DNAH6: variants seen among roughly 807,000 people sequenced by gnomAD.
DNAH6 encodes the protein axonemal beta dynein heavy chain 6.
In DNAH6, 340 loss-of-function variants were observed where a neutral mutation model predicts 491.4. That is an observed-to-expected ratio of 0.69 (90% CI 0.63 to 0.76). The LOEUF is 0.76. Ranked by LOEUF, DNAH6 falls within the 30% of genes least tolerant of loss-of-function variation. DNAH6 has a pLI of 0.00. For missense variants in DNAH6, 4,443 were observed against 4,972.2 expected (o/e 0.89, Z 3.20); for synonymous variants, 1,603 against 1,686.1 (o/e 0.95, Z 1.21).
intron 11 of DNAH6, among the ~76,000 whole-genome samples, chr2:84,560,323 C>G (rs568232771): frequency 6.6e-6 from 1 of 151,190 alleles, no homozygotes; most frequent in Admixed American, 6.6e-5. Context: ...AAACAACATA[C>G]GAAGTAAGGC....
chr2:84,630,213 G>T (rs1294839502), intron 29 of DNAH6, among the ~76,000 whole-genome samples: 1 of 152,044 alleles, frequency 6.6e-6, no homozygotes, highest in Non-Finnish European at 1.5e-5. Context: ...TTACTATTTT[G>T]CAACCTTCAA....
chr2:84,601,457 T>A (rs183419148), intron 18 of DNAH6, among the ~76,000 whole-genome samples: 1 of 152,024 alleles, frequency 6.6e-6, no homozygotes, highest in South Asian at 2.1e-4. Context: ...CCTTCATCAT[T>A]ATTAATTTTC....
chr2:84,777,120 A>G (rs1676204219), intron 64 of DNAH6: 1 of 159,872 alleles, frequency 6.3e-6, no homozygotes, highest in Non-Finnish European at 1.4e-5. Flanking sequence ...GGGGAGGGAA[A>G]GCATTAGGAG....
intron 63 of DNAH6, among the ~76,000 whole-genome samples, chr2:84,762,517 G>A (rs965262839): frequency 6.6e-6 from 1 of 152,030 alleles, no homozygotes; most frequent in East Asian, 1.9e-4. Flanking sequence ...GAATGTTGAG[G>A]GACTTCCCTC....
Position 84,604,496 on chromosome 2 carries a change from A to G in DNAH6, c.3026A>G (p.Gln1009Arg), listed in dbSNP as rs1438931133. Residue 1009 changes from glutamine (Q) to arginine (R), a missense_variant, in exon 19 of 77, where the codon CAG becomes CGG. By Grantham distance (43) the Gln-to-Arg change is conservative. Transcript: ENST00000389394. ...LHVFDFGQEI[Q>R]DISGQASGEA... ...GTTTTTGACTTTGGTCAAGAAATCC[A>G]GGACATATCTGGACAGGCTTCTGGA... 3 of 1,551,766 alleles carry G rather than the reference A, an allele frequency of 1.9e-6. No individual in the cohort carries two copies. Among genetic ancestry groups the G allele is most frequent in the Non-Finnish European group, 2.6e-6 (3 of 1,147,000 alleles).
chr2:84,699,605 C>A lies in DNAH6; in HGVS notation c.7689C>A (p.Tyr2563Ter), dbSNP rs184604697. The A allele has an allele frequency of 9.0e-5, 139 of 1,549,156 alleles. No homozygotes were observed. Among genetic ancestry groups the A allele is most frequent in the Non-Finnish European group, 2.6e-6 (3 of 1,146,226 alleles). The change falls in exon 48 of 77, where the codon TAC (tyrosine) becomes TAA (stop). Residue 2563 changes from tyrosine to a stop codon, truncating the protein, a stop_gained. Transcript: ENST00000389394. LOFTEE classifies it high-confidence loss of function. Reference protein sequence around the residue: ...SEGNRDEVFQYFISKVRQKLH... With the variant: ...SEGNRDEVFQ Reference sequence around the variant, plus strand: ...TTTCTTTTTGTCAGGTGTTTCAATACTTTATCAGCAAAGTGCGTCAGAAGC... The same window carrying A: ...TTTCTTTTTGTCAGGTGTTTCAATAATTTATCAGCAAAGTGCGTCAGAAGC...
At position 84,679,184 on chromosome 2, in the gene DNAH6, T is replaced by C. The variant is rs1375838498; in HGVS notation, c.6744+2048T>C. ...GTCTAAATAGTACATGTATATTATA[T>C]ATAATGTTTTCAATAACCTATTAGT... is the stretch of plus-strand genomic sequence containing the variant. On this transcript the variant is annotated intron_variant, in intron 41 of 76. Transcript: ENST00000389394. 4.6e-5 allele frequency among the ~76,000 whole-genome samples: 7 copies of C among 152,074 alleles called. 1 individual carries two copies. The East Asian group carries it at 1.3e-3, about 29-fold the overall frequency.
intron 64 of DNAH6, among the ~76,000 whole-genome samples, chr2:84,780,188 C>A (rs1445529561): frequency 6.6e-6 from 1 of 152,130 alleles, no homozygotes; most frequent in East Asian, 1.9e-4. Flanking sequence ...ACCTCCCTAG[C>A]AATATTGGGA....
chr2:84,688,508 C>A lies in DNAH6; in HGVS notation c.7207C>A (p.Gln2403Lys), dbSNP rs1017957226. 4 of 1,543,280 alleles carry A rather than the reference C, an allele frequency of 2.6e-6. No individual in the cohort carries two copies. In the African/African-American group the frequency reaches 5.5e-5, roughly 21 times the overall value. Residue 2403 changes from glutamine (Q) to lysine (K), a missense_variant, in exon 45 of 77, where the codon CAG (glutamine) becomes AAG (lysine). Coordinates refer to ENST00000389394, the MANE Select transcript of DNAH6 (RefSeq NM_001370.2). Reference protein sequence around the residue: ...PDIEKTANVLQDYLDDYNLTN... With the variant: ...PDIEKTANVLKDYLDDYNLTN... ...TATAGAGAAAACTGCAAATGTTCTACAGGACTATCTTGATGATTATAATCT... is the reference window on the plus strand; with the variant it reads ...TATAGAGAAAACTGCAAATGTTCTAAAGGACTATCTTGATGATTATAATCT...
At position 84,552,941 on chromosome 2, in the gene DNAH6, A is replaced by C. The variant is rs1313727082; in HGVS notation, c.1509A>C (p.Gln503His). The C allele has an allele frequency of 1.2e-6, 2 of 1,606,924 alleles. No individual in the cohort carries two copies. The highest frequency in any genetic ancestry group is 3.4e-5 in the Admixed American group (2 of 59,324). The stretch of plus-strand genomic sequence containing the variant: ...AGGGGACCCTTATGGTGGAAAAGCA[A>C]GAAGAAGATGAATCTCTCATCCCCA... ...DKKGTLMVEKQEEDESLIPMF... is the reference protein window; with the variant it reads ...DKKGTLMVEKHEEDESLIPMF... Residue 503 changes from glutamine (Q) to histidine (H), a missense_variant, in exon 10 of 77, where the codon CAA becomes CAC. Around this residue, in one of 3 missense-constraint regions of DNAH6, gnomAD observed 2,977 missense variants for 3,296.6 expected, o/e 0.90. Transcript: ENST00000389394.
At chr2:84,648,812 A>G (rs1032305049) in intron 33 of DNAH6, among the ~76,000 whole-genome samples, 52 of 152,260 alleles carry the variant, frequency 3.4e-4, no homozygotes, top group African/African-American at 1.3e-3. Flanking sequence ...TTGCATAAAT[A>G]TAGTTGATAA....
chr2:84,746,787 GTACAAGCA>G (rs1166739899), intron 63 of DNAH6, among the ~76,000 whole-genome samples: 11 of 152,268 alleles, frequency 7.2e-5, no homozygotes, highest in Admixed American at 1.3e-4. Flanking sequence ...TTCTGCGGCT[GTACAAGCA>G]TGACACCAGC....
chr2:84,519,515 ACTT>A (rs1675929061), intron 2 of DNAH6, among the ~76,000 whole-genome samples: 2 of 151,946 alleles, frequency 1.3e-5, no homozygotes, highest in South Asian at 4.1e-4. Context: ...CTGCAGTTTG[ACTT>A]CTTTTTATAG....
chr2:84,589,401 A>G (rs778950817), intron 16 of DNAH6, among the ~76,000 whole-genome samples: 1 of 152,286 alleles, frequency 6.6e-6, no homozygotes, highest in Admixed American at 6.5e-5. Context: ...TAAGCCAGGG[A>G]CAAATGGGTG....
chr2:84,646,129 A>G (rs534688852), intron 33 of DNAH6, among the ~76,000 whole-genome samples: 1 of 152,302 alleles, frequency 6.6e-6, no homozygotes, highest in East Asian at 1.9e-4. Context: ...ACAATATTTC[A>G]AACTTTTTTA....
At chr2:84,650,508 T>C (rs1690353318) in intron 33 of DNAH6, among the ~76,000 whole-genome samples, 1 of 152,126 alleles carries the variant, frequency 6.6e-6, no homozygotes, top group Admixed American at 6.6e-5. Flanking sequence ...GTATTTTTTT[T>C]TTTTGGCTGA....
intron 33 of DNAH6, among the ~76,000 whole-genome samples, chr2:84,652,882 G>A (rs2104562115): frequency 6.6e-6 from 1 of 151,836 alleles, no homozygotes; most frequent in South Asian, 2.1e-4. Context: ...ATGAGTATAT[G>A]TAAGTGATTT....
chr2:84,765,018 G>GAAT (rs10669286), intron 64 of DNAH6, among the ~76,000 whole-genome samples: 123,003 of 151,792 alleles, frequency 0.81, 50,939 homozygotes, highest in African/African-American at 0.96. Context: ...GAATAAACTA[G>GAAT]AATAATGTCT....
intron 48 of DNAH6, among the ~76,000 whole-genome samples, chr2:84,700,526 T>C (rs1355933560): frequency 6.6e-6 from 1 of 152,196 alleles, no homozygotes; most frequent in Non-Finnish European, 1.5e-5. Flanking sequence ...AGCATAAAAC[T>C]GATATATTAG....
Sources: allele counts gnomAD v4.1 joint callset (sites outside exome capture counted in the v4.1 genomes callset), GRCh38; gene constraint gnomAD v4.1.1; regional missense constraint gnomAD v4.1.1; transcripts MANE v1.5; gene names NCBI Gene and HGNC (gene_info 2026-07-23, HGNC 2026-07-21).